Variants in SPAG5 observed in about 807,000 individuals in gnomAD.
SPAG5 encodes sperm associated antigen 5.
In SPAG5, 99 loss-of-function variants were observed where a neutral mutation model predicts 145.4. The ratio of observed to expected loss-of-function variants is 0.68; its 90% CI spans 0.58 to 0.80. SPAG5 has a LOEUF of 0.80. SPAG5 is among the 30% of genes least tolerant of loss of function. The pLI, the probability that SPAG5 is intolerant of heterozygous loss-of-function variation, is 0.00. For synonymous variants in SPAG5, 477 were observed against 525.4 expected (o/e 0.91, Z 1.26); for missense variants, 1,192 against 1,416.0 (o/e 0.84, Z 2.54).
intron 23 of SPAG5, 46 bp from the exon 24 acceptor site, chr17:28,577,816 GCCCAGGGCTCCCAGC>G: frequency 6.6e-7 from 1 of 1,515,652 alleles, no homozygotes; most frequent in East Asian, 2.3e-5. Flanking sequence ...CAGACTTAAG[GCCCAGGGCTCCCAGC>G]CCCAGGAGGC....
chr17:28,584,125 C>T, intron 13 of SPAG5, 25 bp downstream of exon 13: 1 of 1,612,936 alleles, frequency 6.2e-7, no homozygotes, highest in Non-Finnish European at 8.5e-7. Flanking sequence ...TTACCAGCTC[C>T]CTTGGCCCAA....
At position 28,593,017 on chromosome 17, in the gene SPAG5, G is replaced by A. The variant is rs1388501968; in HGVS notation, c.227C>T (p.Thr76Ile). 1 of 1,614,130 alleles carries A rather than the reference G, an allele frequency of 6.2e-7. No homozygotes were observed. Among genetic ancestry groups the A allele is most frequent in the East Asian group, 2.2e-5 (1 of 44,878 alleles). Reference protein sequence around the residue: ...SPVDFVNNKRTDLSSEHFSHS... With the variant: ...SPVDFVNNKRIDLSSEHFSHS... ...ACTGAAATGTTCTGAAGATAAGTCT[G>A]TCCTCTTGTTATTTACAAAATCCAC... Residue 76 changes from threonine to isoleucine, a missense_variant, in exon 3 of 24, where the codon ACA becomes ATA. By Grantham distance (89) the Thr-to-Ile change is moderately conservative. Around this residue, in one of 5 missense-constraint regions of SPAG5, gnomAD observed 329 missense variants for 354.0 expected, o/e 0.93. Coordinates refer to ENST00000321765, the MANE Select transcript of SPAG5 (RefSeq NM_006461.4).
Position 28,585,990 on chromosome 17 carries a change from A to C in SPAG5, c.1614T>G (p.Arg538=), listed in dbSNP as rs1384725180. The change falls in exon 7 of 24, where the codon CGT becomes CGG. Residue 538 remains arginine (R), a synonymous_variant. Transcript: ENST00000321765. ...DKTTVSQESR[R]AETLVCCCFD... ...AACAGCAACAGACCAATGTTTCTGC[A>C]CGCCGAGACTATATGGTAAGAATCA... The C allele has an allele frequency of 3.1e-6, 5 of 1,614,072 alleles. No individual in the cohort carries two copies. In the African/African-American group the frequency reaches 6.7e-5, roughly 22 times the overall value.
Position 28,592,503 on chromosome 17 carries a change from C to T in SPAG5, c.741G>A (p.Trp247Ter). The T allele has an allele frequency of 6.2e-7, 1 of 1,614,028 alleles. No individual in the cohort carries two copies. The highest frequency in any genetic ancestry group is 2.2e-5 in the East Asian group (1 of 44,886). The change falls in exon 3 of 24, where the codon TGG (tryptophan) becomes TGA (stop). Residue 247 changes from tryptophan (W) to a stop codon, truncating the protein, a stop_gained. Transcript: ENST00000321765. LOFTEE classifies it high-confidence loss of function. ...SNAFLPSSVL[W>*]LSPSTALAAD... Reference sequence around the variant, plus strand: ...CTGCCAAGGCAGTTGAAGGGGAAAGCCAGAGAACAGAGGAAGGCAAGAAGG... The same window carrying T: ...CTGCCAAGGCAGTTGAAGGGGAAAGTCAGAGAACAGAGGAAGGCAAGAAGG...
In SPAG5 at chr17:28,592,511, C is replaced by G. The variant is rs759389418; in HGVS notation, c.733G>C (p.Val245Leu). The change falls in exon 3 of 24, where the codon GTT (valine) becomes CTT (leucine). Residue 245 changes from valine (V) to leucine (L), a missense_variant. Coordinates refer to ENST00000321765, the MANE Select transcript of SPAG5 (RefSeq NM_006461.4). ...GCAGTTGAAGGGGAAAGCCAGAGAA[C>G]AGAGGAAGGCAAGAAGGCGTTACTT... The part of the protein sequence containing the change: ...SESNAFLPSS[V>L]LWLSPSTALA... 6.2e-7 allele frequency: 1 copy of G among 1,614,114 alleles called. No homozygotes were observed. The highest frequency in any genetic ancestry group is 8.5e-7 in the Non-Finnish European group (1 of 1,180,034).
chr17:28,598,625 G>T lies in SPAG5; in HGVS notation c.62C>A (p.Ser21Tyr), dbSNP rs769410235. The change falls in exon 2 of 24, where the codon TCT (serine) becomes TAT (tyrosine). Residue 21 changes from serine to tyrosine, a missense_variant. Physicochemically the swap from Ser to Tyr is moderately radical, Grantham distance 144 (BLOSUM62 -2). This residue lies in a region of SPAG5 where 329 missense variants were observed against 354.0 expected (regional missense o/e 0.93). Transcript: ENST00000321765. ...LSPSPQTGKP[S>Y]MRTPLRELTL... ...AAGTTCACGGAGAGGAGTTCTCATAGATGGTTTTCCCTGAGAAAGAAACCA... is the reference window on the plus strand; with the variant it reads ...AAGTTCACGGAGAGGAGTTCTCATATATGGTTTTCCCTGAGAAAGAAACCA... 1.1e-5 allele frequency: 18 copies of T among 1,600,440 alleles called. No homozygotes were observed. In the Admixed American group the frequency reaches 2.8e-4, roughly 25 times the overall value.
chr17:28,597,557 G>A (rs939717892), intron 2 of SPAG5, among the ~76,000 whole-genome samples: 1 of 152,198 alleles, frequency 6.6e-6, no homozygotes, highest in East Asian at 1.9e-4. Context: ...TGGACAGTAG[G>A]TATTTTGCAA....
chr17:28,578,043 T>C lies in SPAG5; in HGVS notation c.3477A>G (p.Glu1159=). 3.1e-6 allele frequency: 5 copies of C among 1,614,110 alleles called. No homozygotes were observed. Among genetic ancestry groups the C allele is most frequent in the South Asian group, 1.1e-5 (1 of 91,088 alleles). The change falls in exon 23 of 24, where the codon GAA becomes GAG. Residue 1159 remains glutamate, a synonymous_variant. Coordinates refer to ENST00000321765, the MANE Select transcript of SPAG5 (RefSeq NM_006461.4). ...TATGCTGAACAATGTCATCTAGTTTTTCTAACTCCTTGTCAGAGCGCCGAA... is the reference window on the plus strand; with the variant it reads ...TATGCTGAACAATGTCATCTAGTTTCTCTAACTCCTTGTCAGAGCGCCGAA... The part of the protein sequence containing the change: ...ENLRRSDKEL[E]KLDDIVQHIY...
At chr17:28,578,179 T>A in intron 22 of SPAG5, 39 bp downstream of exon 22, 2 of 1,610,530 alleles carry the variant, frequency 1.2e-6, no homozygotes, top group African/African-American at 1.3e-5. Flanking sequence ...TTGTTAACGA[T>A]GGTAGGAAAT....
At chr17:28,585,289 G>A (rs2070576820) in intron 9 of SPAG5, 30 bp downstream of exon 9, 1 of 1,610,380 alleles carries the variant, frequency 6.2e-7, no homozygotes, top group Middle Eastern at 1.7e-4. Context: ...TGTGAGTAAG[G>A]AATTAGTTAT....
chr17:28,580,561 G>A (rs2070543618), intron 15 of SPAG5: 1 of 152,380 alleles, frequency 6.6e-6, no homozygotes. Flanking sequence ...CAAATGCAAT[G>A]CATATATTTC....
intron 4 of SPAG5, among the ~76,000 whole-genome samples, chr17:28,588,942 A>C (rs2070603133): frequency 9.9e-5 from 15 of 152,056 alleles, no homozygotes; most frequent in Admixed American, 9.8e-4. Context: ...TCAGCCTCCC[A>C]AAGTGCTGGG....
At position 28,581,669 on chromosome 17, in the gene SPAG5, C is replaced by T. The variant is rs143250244; in HGVS notation, c.2686-1549G>A. Among the ~76,000 whole-genome samples the T allele has an allele frequency of 3.1e-3, 465 of 152,070 alleles. 8 individuals are homozygous for T. The East Asian group carries it at 0.052, about 17-fold the overall frequency. On this transcript the variant is annotated intron_variant, in intron 15 of 23. Coordinates refer to ENST00000321765, the MANE Select transcript of SPAG5 (RefSeq NM_006461.4). ...AGGCTAGGTCCTCTCTCCAGTTCTC[C>T]CGCCTTCTCTGCCCCCCGGTCTAGG...
In SPAG5 at chr17:28,592,961, G is replaced by A. The variant is rs1270361724; in HGVS notation, c.283C>T (p.His95Tyr). The A allele has an allele frequency of 2.5e-6, 4 of 1,614,144 alleles. No individual in the cohort carries two copies. The highest frequency in any genetic ancestry group is 1.7e-5 in the Admixed American group (1 of 60,024). The change falls in exon 3 of 24, where the codon CAT (histidine) becomes TAT (tyrosine). Residue 95 changes from histidine to tyrosine, a missense_variant. His to Tyr is a moderately conservative substitution (Grantham distance 83). This residue lies in a region of SPAG5 where 329 missense variants were observed against 354.0 expected (regional missense o/e 0.93). Transcript: ENST00000321765. ...TCTAGAGGCTGCTCATCTGATTCAT[G>A]CTGACAAGTTTCTAGCCACTTTGAG... is the stretch of plus-strand genomic sequence containing the variant. The part of the protein sequence containing the change: ...HSSKWLETCQ[H>Y]ESDEQPLDPI...
rs897261702 is a variant in SPAG5 at position 28,579,850 on chromosome 17, C to A, written c.2798-13G>T. 2 of 1,612,760 alleles carry A rather than the reference C, an allele frequency of 1.2e-6. No homozygotes were observed. The highest frequency in any genetic ancestry group is 4.5e-5 in the East Asian group (2 of 44,874). On this transcript the variant is annotated splice_polypyrimidine_tract_variant and intron_variant, in intron 16 of 23. Transcript: ENST00000321765. ...GTTGATTCTGGCTCTAAGAGAAAAACCAATAATGGGAGAGGGCCCCTCTGA... is the reference window on the plus strand; with the variant it reads ...GTTGATTCTGGCTCTAAGAGAAAAAACAATAATGGGAGAGGGCCCCTCTGA...
At position 28,585,324 on chromosome 17, in the gene SPAG5, G is replaced by A. The variant is rs2070577027; in HGVS notation, c.1948C>T (p.Leu650=). The change falls in exon 9 of 24, where the codon CTG becomes TTG. Residue 650 remains leucine, a synonymous_variant. Transcript: ENST00000321765. Reference sequence around the variant, plus strand: ...TGATGGTCCCAAATACTCACATCCAGTTGCATGGACCTCCAGTCTTGTTGC... The same window carrying A: ...TGATGGTCCCAAATACTCACATCCAATTGCATGGACCTCCAGTCTTGTTGC... ...TLQQDWRSMQ[L]DYTTWTALLS... is the part of the protein sequence containing the mutation. 6.2e-7 allele frequency: 1 copy of A among 1,613,866 alleles called. No individual in the cohort carries two copies. Among genetic ancestry groups the A allele is most frequent in the South Asian group, 1.1e-5 (1 of 91,086 alleles).
chr17:28,585,160 G>A lies in SPAG5; in HGVS notation c.2009C>T (p.Thr670Ile), dbSNP rs780748702. 9.3e-6 allele frequency: 15 copies of A among 1,614,092 alleles called. No individual in the cohort carries two copies. In the East Asian group the frequency reaches 1.6e-4, roughly 17 times the overall value. The change falls in exon 10 of 24, where the codon ACA becomes ATA. Residue 670 changes from threonine to isoleucine, a missense_variant. This residue lies in a region of SPAG5 where 709 missense variants were observed against 840.7 expected (regional missense o/e 0.84). Coordinates refer to ENST00000321765, the MANE Select transcript of SPAG5 (RefSeq NM_006461.4). ...CTGCAGGGCTTGCTGGCTCTTGACTGTGAGTTTCTCTGTGAGTTGTCGGGA... is the reference window on the plus strand; with the variant it reads ...CTGCAGGGCTTGCTGGCTCTTGACTATGAGTTTCTCTGTGAGTTGTCGGGA... ...SRSRQLTEKL[T>I]VKSQQALQER...
In SPAG5 at chr17:28,592,629, A is replaced by G. The variant is rs1468276643; in HGVS notation, c.615T>C (p.Ser205=). 1 of 1,614,030 alleles carries G rather than the reference A, an allele frequency of 6.2e-7. No individual in the cohort carries two copies. The highest frequency in any genetic ancestry group is 8.5e-7 in the Non-Finnish European group (1 of 1,180,042). Residue 205 remains serine (S), a synonymous_variant, in exon 3 of 24, where the codon TCT becomes TCC. Coordinates refer to ENST00000321765, the MANE Select transcript of SPAG5 (RefSeq NM_006461.4). Reference sequence around the variant, plus strand: ...GTTGTTCAGAACAGGGATTTGGTGGAGACTCCTCTAAGAGATGGGACGGAG... The same window carrying G: ...GTTGTTCAGAACAGGGATTTGGTGGGGACTCCTCTAAGAGATGGGACGGAG... ...QESPSHLLEE[S]PPNPCSEQLH...
rs758229342 is a variant in SPAG5, at chr17:28,577,653, G to A, written c.*46C>T. On this transcript the variant is annotated 3_prime_UTR_variant, in exon 24 of 24. Coordinates refer to ENST00000321765, the MANE Select transcript of SPAG5 (RefSeq NM_006461.4). Reference sequence around the variant, plus strand: ...TTGGTCTTGGTATTGGGGTAAGGGGGTATTGCAGGTAAAAAGAGGTGAAGC... The same window carrying A: ...TTGGTCTTGGTATTGGGGTAAGGGGATATTGCAGGTAAAAAGAGGTGAAGC... 2.3e-6 allele frequency: 3 copies of A among 1,315,812 alleles called. No individual in the cohort carries two copies. Among genetic ancestry groups the A allele is most frequent in the South Asian group, 1.2e-5 (1 of 85,042 alleles). 81.5% of individuals were successfully genotyped at this position (1,315,812 alleles called of 1,614,324 possible).
Sources: gnomAD v4.1 joint callset for allele counts (sites outside exome capture counted in the v4.1 genomes callset) on GRCh38, gnomAD v4.1.1 for gene constraint, gnomAD v4.1.1 regional missense constraint, MANE v1.5 for transcripts, NCBI Gene and HGNC (gene_info 2026-07-23, HGNC 2026-07-21) for gene names.